The following ACOT11 variants were observed in gnomAD, a reference collection of about 807,000 sequenced individuals.
ACOT11 encodes acyl-coenzyme A thioesterase 11.
Under a neutral mutation model 77.5 loss-of-function variants are expected in ACOT11, and 69 were observed. The observed-to-expected ratio is 0.89, with a 90% confidence interval of 0.73 to 1.09. The LOEUF (loss-of-function observed/expected upper bound fraction) is 1.09. ACOT11 is among the 50% of genes least tolerant of loss of function. The pLI is 0.00. For missense variants in ACOT11, 766 were observed against 813.7 expected (o/e 0.94, Z 0.71); for synonymous variants, 279 against 313.0 (o/e 0.89, Z 1.15).
downstream of ACOT11, chr1:54,614,950 G>GTT (rs970330104): frequency 2.3e-6 from 3 of 1,292,942 alleles, no homozygotes; most frequent in African/African-American, 4.4e-5. Context: ...GTGTGTGTGT[G>GTT]TGTGCATGTG....
At chr1:54,592,028 GC>G (rs35448628) in intron 3 of ACOT11, among the ~76,000 whole-genome samples, 16,568 of 152,210 alleles carry the variant, frequency 0.11, 1,656 homozygotes, top group African/African-American at 0.25. Flanking sequence ...AATTCAGTCA[GC>G]TACCCTTTAT....
At chr1:54,597,138 GTAAA>G in intron 6 of ACOT11, 117 bp from the exon 7 acceptor site, 2 of 1,296,364 alleles carry the variant, frequency 1.5e-6, no homozygotes, top group Non-Finnish European at 2.2e-6. Flanking sequence ...TCTGTGCTGA[GTAAA>G]TAAAAGAACC....
chr1:54,610,035 T>C lies in ACOT11; in HGVS notation c.*923T>C. 1 of 1,471,502 alleles carries C rather than the reference T, an allele frequency of 6.8e-7. No homozygotes were observed. Among genetic ancestry groups the C allele is most frequent in the Non-Finnish European group, 9.0e-7 (1 of 1,115,472 alleles). The allele number at this position is 1,471,502 out of a possible 1,614,324, so 91.2% of individuals were successfully genotyped here. A position where few individuals can be genotyped will look rare whatever the true frequency, so the allele number is the denominator to read the frequency against. On this transcript the variant is annotated 3_prime_UTR_variant, in exon 16 of 16. Transcript: ENST00000343744. ...TAAAGGGGCAGTGGGAGTTATGGGGTCATCAAGGACCTTGCCTCTCTGGAA... is the reference window on the plus strand; with the variant it reads ...TAAAGGGGCAGTGGGAGTTATGGGGCCATCAAGGACCTTGCCTCTCTGGAA...
chr1:54,597,158 G>GGGGTAGAGT, intron 6 of ACOT11, 101 bp from the exon 7 acceptor site: 12 of 1,447,952 alleles, frequency 8.3e-6, no homozygotes, highest in Non-Finnish European at 1.1e-5. Flanking sequence ...GAACCTGAGT[G>GGGGTAGAGT]GGGTAGAGTG....
chr1:54,617,440 C>T (rs1644184288), intron 15 of ACOT11, among the ~76,000 whole-genome samples: 1 of 148,708 alleles, frequency 6.7e-6, no homozygotes, highest in Non-Finnish European at 1.5e-5. Context: ...TAAATATGTA[C>T]CTGATCATGT....
chr1:54,581,463 C>T (rs1171873366), intron 1 of ACOT11, among the ~76,000 whole-genome samples: 4 of 152,140 alleles, frequency 2.6e-5, no homozygotes, highest in Non-Finnish European at 5.9e-5. Flanking sequence ...GTCCCCCAGG[C>T]TGTGAACGGA....
At chr1:54,614,919 C>G (rs536148965), downstream of ACOT11, 343 of 1,560,498 alleles carry the variant, frequency 2.2e-4, no homozygotes, top group African/African-American at 4.4e-3. Context: ...TACATGACTC[C>G]CTGGGCAGAA....
rs755023769 is a variant in ACOT11, at chr1:54,594,068, G to A, written c.471+29G>A. 1.1e-5 allele frequency: 18 copies of A among 1,599,330 alleles called. 1 individual carries two copies. Among genetic ancestry groups the A allele is most frequent in the Middle Eastern group, 3.3e-4 (2 of 6,050 alleles). ...ACTGGGTGCGCCTGGCTGCTGGAAC[G>A]CTGCTCAGTGACCTGGGCACCTGCC... On this transcript the variant is annotated intron_variant, in intron 5 of 15. Coordinates refer to ENST00000343744, the MANE Select transcript of ACOT11 (RefSeq NM_147161.4).
downstream of ACOT11, chr1:54,614,696 T>A: frequency 6.2e-7 from 1 of 1,609,508 alleles, no homozygotes; most frequent in Non-Finnish European, 8.5e-7. Flanking sequence ...AGGCGAACAC[T>A]CACTGTGTGG....
chr1:54,577,053 T>C (rs1654141161), intron 1 of ACOT11, among the ~76,000 whole-genome samples: 2 of 152,348 alleles, frequency 1.3e-5, no homozygotes, highest in Non-Finnish European at 2.9e-5. Context: ...ATAGCTGGCA[T>C]TTCACATCTT....
chr1:54,593,284 A>G (rs1034913319), intron 4 of ACOT11, among the ~76,000 whole-genome samples: 3 of 151,728 alleles, frequency 2.0e-5, no homozygotes, highest in African/African-American at 7.3e-5. Flanking sequence ...TTTTATTTTT[A>G]TTATTGTTTT....
intron 1 of ACOT11, among the ~76,000 whole-genome samples, chr1:54,560,807 C>T (rs1465485941): frequency 4.6e-5 from 7 of 152,134 alleles, no homozygotes; most frequent in Non-Finnish European, 8.8e-5. Context: ...CTGCAACCTC[C>T]GCCTCCTGGG....
intron 1 of ACOT11, among the ~76,000 whole-genome samples, chr1:54,581,865 T>G (rs1439438567): frequency 6.6e-6 from 1 of 152,218 alleles, no homozygotes; most frequent in Non-Finnish European, 1.5e-5. Flanking sequence ...CCTCCCAGAC[T>G]GGCTGCCTGC....
Position 54,607,039 on chromosome 1 carries a change from C to A in ACOT11, c.1371-95C>A, listed in dbSNP as rs1644034254. 1.3e-6 allele frequency: 2 copies of A among 1,543,054 alleles called. No homozygotes were observed. Among genetic ancestry groups the A allele is most frequent in the Admixed American group, 3.6e-5 (2 of 55,474 alleles). ...GGGTGACATCCCATCACAGAAGCTG[C>A]TCAGGCACTGCAGTGTGGCAGGGCC... On this transcript the variant is annotated intron_variant, in intron 13 of 15. Coordinates refer to ENST00000343744, the MANE Select transcript of ACOT11 (RefSeq NM_147161.4). The surrounding 1 kb of genome is among the most constrained non-coding windows in gnomAD (Gnocchi z 4.5).
intron 8 of ACOT11, 135 bp downstream of exon 8, chr1:54,599,550 G>T: frequency 9.6e-7 from 1 of 1,039,770 alleles, no homozygotes; most frequent in African/African-American, 1.7e-5. Context: ...CCTGGCTGAT[G>T]GGTTCCTCTG....
intron 3 of ACOT11, among the ~76,000 whole-genome samples, chr1:54,591,769 G>A (rs1654721888): frequency 6.6e-6 from 1 of 152,208 alleles, no homozygotes; most frequent in African/African-American, 2.4e-5. Flanking sequence ...AGGGGCTGGT[G>A]CAGTCAACAG....
chr1:54,587,618 AT>A (rs1451535644), intron 3 of ACOT11, among the ~76,000 whole-genome samples: 1 of 114,538 alleles, frequency 8.7e-6, no homozygotes, highest in Non-Finnish European at 1.6e-5. Flanking sequence ...GAGTGCAATG[AT>A]GTGATGATCT....
chr1:54,620,142 A>C, intron 15 of ACOT11: 1 of 914,250 alleles, frequency 1.1e-6, no homozygotes, highest in Non-Finnish European at 1.6e-6. Context: ...TGAGGCTCAG[A>C]CTCACTGGTG....
At position 54,609,448 on chromosome 1, in the gene ACOT11, G is replaced by T; in HGVS notation, c.*336G>T. The T allele has an allele frequency of 6.2e-7, 1 of 1,613,744 alleles. No individual in the cohort carries two copies. The highest frequency in any genetic ancestry group is 1.1e-5 in the South Asian group (1 of 91,084). ...CCCGGGGGGAGGATGCCAGCAGCCT[G>T]CCTATGGCTCCAGCTGTGCTGTGGC... On this transcript the variant is annotated 3_prime_UTR_variant, in exon 16 of 16. Coordinates refer to ENST00000343744, the MANE Select transcript of ACOT11 (RefSeq NM_147161.4).
Sources: allele counts gnomAD v4.1 joint callset (sites outside exome capture counted in the v4.1 genomes callset), GRCh38; gene constraint gnomAD v4.1.1; non-coding constraint Gnocchi (gnomAD v3.1); transcripts MANE v1.5; gene names NCBI Gene and HGNC (gene_info 2026-07-23, HGNC 2026-07-21).